Variants in TYW3 observed in about 807,000 individuals in gnomAD.
TYW3 encodes the protein tRNA-yW synthesizing protein 3 homolog.
In TYW3, 26 loss-of-function variants were observed where a neutral mutation model predicts 23.1. The ratio of observed to expected loss-of-function variants is 1.13; its 90% CI spans 0.83 to 1.56. The LOEUF (loss-of-function observed/expected upper bound fraction) is 1.56, where lower values mean the gene tolerates loss of function less well. Ranked by LOEUF, TYW3 falls within the 40% of genes most tolerant of loss-of-function variation. The pLI is 0.00. For synonymous variants in TYW3, 102 were observed against 105.7 expected (o/e 0.97, Z 0.21); for missense variants, 316 against 311.9 (o/e 1.01, Z -0.10).
chr1:74,747,765 G>C (rs1317905545), intron 3 of TYW3, among the ~76,000 whole-genome samples: 1 of 150,538 alleles, frequency 6.6e-6, no homozygotes, highest in African/African-American at 2.5e-5. Flanking sequence ...ATATGTATGT[G>C]TATATGTGTG....
At chr1:74,751,300 T>G (rs1243658694) in intron 4 of TYW3, 3 of 152,188 alleles carry the variant, frequency 2.0e-5, no homozygotes. Context: ...TCATAAGTCT[T>G]AAAGCCAGAG....
At chr1:74,747,820 T>TAC (rs1491425478) in intron 3 of TYW3, among the ~76,000 whole-genome samples, 1 of 60,986 alleles carries the variant, frequency 1.6e-5, no homozygotes, top group Non-Finnish European at 7.2e-5. Flanking sequence ...CACACATATG[T>TAC]ATATATATGG....
chr1:74,738,824 A>G, intron 3 of TYW3, 36 bp downstream of exon 3: 2 of 1,509,346 alleles, frequency 1.3e-6, no homozygotes, highest in Non-Finnish European at 1.8e-6. Context: ...GAATTTATAG[A>G]TATGTGGGTA....
chr1:74,746,772 C>T (rs749237772), intron 3 of TYW3, among the ~76,000 whole-genome samples: 16 of 152,068 alleles, frequency 1.1e-4, no homozygotes, highest in African/African-American at 3.4e-4. Flanking sequence ...GGCCTTTATT[C>T]GAAGGTTGCA....
At chr1:74,753,638 T>C (rs1648862568) in intron 5 of TYW3, among the ~76,000 whole-genome samples, 1 of 152,214 alleles carries the variant, frequency 6.6e-6, no homozygotes. Context: ...TAAAGAATAA[T>C]TATTATATTC....
intron 2 of TYW3, 135 bp downstream of exon 2, chr1:74,736,757 T>G: frequency 1.5e-6 from 1 of 650,450 alleles, no homozygotes; most frequent in Non-Finnish European, 2.5e-6. Context: ...CTAGAGAGCT[T>G]TCATTACAAT....
chr1:74,738,120 A>T lies in TYW3; in HGVS notation c.256-570A>T, dbSNP rs893187480. On this transcript the variant is annotated intron_variant, in intron 2 of 5. Coordinates refer to ENST00000370867, the MANE Select transcript of TYW3 (RefSeq NM_138467.3). The stretch of plus-strand genomic sequence containing the variant: ...CAAGTGAACAGGGAAAAAAAAACAA[A>T]CAAAAAAACTGCAAGTTGCAATTGT... 2.0e-5 allele frequency among the ~76,000 whole-genome samples: 3 copies of T among 151,906 alleles called. 1 individual carries two copies. The highest frequency in any genetic ancestry group is 4.4e-5 in the Non-Finnish European group (3 of 67,978).
chr1:74,740,571 G>C (rs1408286275), intron 3 of TYW3, among the ~76,000 whole-genome samples: 7 of 152,118 alleles, frequency 4.6e-5, no homozygotes, highest in Admixed American at 4.6e-4. Flanking sequence ...GTGCAGATTG[G>C]TGCATTTACA....
At position 74,764,066 on chromosome 1, in the gene TYW3, GA is replaced by G. The variant is rs1649218851; in HGVS notation, c.734del (p.Asp245ValfsTer4). ...ESDEELENDD[D>X]DDLGINVTIF... The stretch of plus-strand genomic sequence containing the variant: ...TGATGAAGAACTTGAAAATGATGAT[GA>G]TGATGATCTAGGAATCAATGTTACC... On this transcript the variant is annotated frameshift_variant, in exon 6 of 6. Coordinates refer to ENST00000370867, the MANE Select transcript of TYW3 (RefSeq NM_138467.3). LOFTEE classifies it high-confidence loss of function. 1 of 1,613,128 alleles carries G rather than the reference GA, an allele frequency of 6.2e-7. No homozygotes were observed. The highest frequency in any genetic ancestry group is 8.5e-7 in the Non-Finnish European group (1 of 1,179,604).
chr1:74,746,868 G>A (rs1172180472), intron 3 of TYW3, among the ~76,000 whole-genome samples: 1 of 152,188 alleles, frequency 6.6e-6, no homozygotes, highest in South Asian at 2.1e-4. Flanking sequence ...TTTTTAGGTA[G>A]TAGCATTGAA....
intron 2 of TYW3, 68 bp downstream of exon 2, chr1:74,736,690 A>C (rs1246417753): frequency 2.4e-6 from 3 of 1,261,118 alleles, no homozygotes; most frequent in East Asian, 2.4e-5. Flanking sequence ...ATATGACAAG[A>C]ATAGAAAATT....
intron 4 of TYW3, among the ~76,000 whole-genome samples, chr1:74,751,805 C>A (rs1166451657): frequency 6.6e-6 from 1 of 152,170 alleles, no homozygotes; most frequent in Non-Finnish European, 1.5e-5. Flanking sequence ...ATCAACAGGG[C>A]TATTAAGATT....
chr1:74,755,776 C>G (rs1648931402), intron 5 of TYW3, among the ~76,000 whole-genome samples: 1 of 152,020 alleles, frequency 6.6e-6, no homozygotes, highest in South Asian at 2.1e-4. Flanking sequence ...ATGAAGAGCT[C>G]TGTGGGAGGG....
rs369279673 is a variant in TYW3, at chr1:74,733,280, G to A, written c.36G>A (p.Ala12=). 1.2e-6 allele frequency: 2 copies of A among 1,614,154 alleles called. No individual in the cohort carries two copies. The highest frequency in any genetic ancestry group is 2.7e-5 in the African/African-American group (2 of 75,060). Residue 12 remains alanine (A), a synonymous_variant, in exon 1 of 6, where the codon GCG becomes GCA. Coordinates refer to ENST00000370867, the MANE Select transcript of TYW3 (RefSeq NM_138467.3). The part of the protein sequence containing the change: ...DRSAEFRKWK[A]QCLSKADLSR... Reference sequence around the variant, plus strand: ...GCGCGGAGTTCAGGAAATGGAAGGCGCAATGTTTGAGCAAAGCGGACCTCA... The same window carrying A: ...GCGCGGAGTTCAGGAAATGGAAGGCACAATGTTTGAGCAAAGCGGACCTCA...
At chr1:74,750,720 A>G (rs960848292) in intron 4 of TYW3, among the ~76,000 whole-genome samples, 1 of 150,544 alleles carries the variant, frequency 6.6e-6, no homozygotes. Flanking sequence ...CAAGGGTATC[A>G]TGCTCTTTTA....
chr1:74,735,020 A>G (rs1380614817), intron 1 of TYW3, among the ~76,000 whole-genome samples: 7 of 152,188 alleles, frequency 4.6e-5, no homozygotes, highest in African/African-American at 1.7e-4. Context: ...CCTTCAGAGC[A>G]ATGGCATTCT....
In TYW3 at chr1:74,733,407, C is replaced by G. The variant is rs1386495852; in HGVS notation, c.163C>G (p.Leu55Val). 6.2e-7 allele frequency: 1 copy of G among 1,614,212 alleles called. No individual in the cohort carries two copies. Among genetic ancestry groups the G allele is most frequent in the East Asian group, 2.2e-5 (1 of 44,888 alleles). The change falls in exon 1 of 6, where the codon CTC becomes GTC. Residue 55 changes from leucine (L) to valine (V), a missense_variant. Coordinates refer to ENST00000370867, the MANE Select transcript of TYW3 (RefSeq NM_138467.3). ...CAGCTCCTGCGCTGGCCGCATCCTA[C>G]TCCTTGACCGGGTGAGGCCCCTTTG... ...TTSSCAGRIL[L>V]LDRGINGFEV...
At chr1:74,738,865 A>G in intron 3 of TYW3, 77 bp downstream of exon 3, 1 of 986,444 alleles carries the variant, frequency 1.0e-6, no homozygotes, top group Non-Finnish European at 1.5e-6. Flanking sequence ...ACCTGCTATA[A>G]ATATCAATGA....
intron 3 of TYW3, among the ~76,000 whole-genome samples, chr1:74,744,495 C>T (rs568601445): frequency 2.6e-5 from 4 of 152,242 alleles, no homozygotes; most frequent in Non-Finnish European, 4.4e-5. Context: ...GTTTGGCTGA[C>T]AGGTGTCTGG....
Sources: gnomAD v4.1 joint callset for allele counts (sites outside exome capture counted in the v4.1 genomes callset) on GRCh38, gnomAD v4.1.1 for gene constraint, MANE v1.5 for transcripts, NCBI Gene and HGNC (gene_info 2026-07-23, HGNC 2026-07-21) for gene names.